The following IL1RAPL1 variants were observed in gnomAD, a reference collection of about 807,000 sequenced individuals.
IL1RAPL1 encodes the protein interleukin 1 receptor accessory protein like 1, also known as interleukin-1 receptor accessory protein-like 1.
A neutral mutation model predicts 48.4 loss-of-function variants in IL1RAPL1; 3 were observed. The observed-to-expected ratio is 0.06, with a 90% confidence interval of 0.03 to 0.16. The LOEUF (loss-of-function observed/expected upper bound fraction) is 0.16, where lower values mean the gene tolerates loss of function less well. Among genes scored for constraint, IL1RAPL1 ranks in the 10% least tolerant of loss-of-function variants. IL1RAPL1 has a pLI of 1.00. For missense variants in IL1RAPL1, 349 were observed against 530.6 expected (o/e 0.66, Z 3.36); for synonymous variants, 185 against 187.7 (o/e 0.99, Z 0.12).
At chrX:29,939,717 C>T (rs995406862) in intron 8 of IL1RAPL1, among the ~76,000 whole-genome samples, 24 of 111,588 alleles carry the variant, frequency 2.2e-4, no homozygotes, top group African/African-American at 7.2e-4. Context: ...ACAGTTCAAT[C>T]GTTTTAAATA....
At chrX:29,728,816 G>A (rs1384326305) in intron 6 of IL1RAPL1, among the ~76,000 whole-genome samples, 1 of 112,354 alleles carries the variant, frequency 8.9e-6, no homozygotes, top group Non-Finnish European at 1.9e-5. Context: ...ATATGTGGCT[G>A]CTGTCAGATA....
At chrX:28,634,270 G>A (rs917706901) in intron 1 of IL1RAPL1, among the ~76,000 whole-genome samples, 1 of 109,621 alleles carries the variant, frequency 9.1e-6, no homozygotes, top group Non-Finnish European at 1.9e-5. Context: ...TTAACATGCC[G>A]GGATTACAGG....
At chrX:28,898,300 CTTTT>C (rs1227127397) in intron 2 of IL1RAPL1, among the ~76,000 whole-genome samples, 1 of 111,702 alleles carries the variant, frequency 9.0e-6, no homozygotes, top group Admixed American at 9.5e-5. Flanking sequence ...TATTTTTTGT[CTTTT>C]TTGTTTTAAG....
chrX:29,395,553 T>G (rs1363150271), intron 3 of IL1RAPL1, among the ~76,000 whole-genome samples: 1 of 111,901 alleles, frequency 8.9e-6, no homozygotes, highest in African/African-American at 3.2e-5. Context: ...AAGAGATGCT[T>G]ATTTAATGAC....
At chrX:29,757,052 G>C (rs1385141834) in intron 6 of IL1RAPL1, among the ~76,000 whole-genome samples, 1 of 111,948 alleles carries the variant, frequency 8.9e-6, no homozygotes, top group Non-Finnish European at 1.9e-5. Context: ...CAAAGGGATC[G>C]TGGTTCCGCC....
At chrX:29,450,623 A>G (rs1236215250) in intron 5 of IL1RAPL1, among the ~76,000 whole-genome samples, 1 of 111,924 alleles carries the variant, frequency 8.9e-6, no homozygotes, top group African/African-American at 3.2e-5. Context: ...TGTGTGCATC[A>G]TTTTAAGCCC....
At chrX:29,941,316 A>T (rs956434947) in intron 8 of IL1RAPL1, among the ~76,000 whole-genome samples, 6 of 112,146 alleles carry the variant, frequency 5.4e-5, no homozygotes, top group Admixed American at 4.7e-4. Flanking sequence ...TATATAAGAG[A>T]GTTATGGTAC....
chrX:29,198,122 A>G lies in IL1RAPL1; in HGVS notation c.83-84816A>G, dbSNP rs747315870. Among the ~76,000 whole-genome samples the G allele has an allele frequency of 1.3e-4, 14 of 111,449 alleles. 1 individual carries two copies. The highest frequency in any genetic ancestry group is 4.2e-4 in the African/African-American group (13 of 30,677). On this transcript the variant is annotated intron_variant, in intron 2 of 10. Coordinates refer to ENST00000378993, the MANE Select transcript of IL1RAPL1 (RefSeq NM_014271.4). ...GGATTATGCAAATTAAAGTAACAGA[A>G]TAGAGATTTATGAACCACTCTCAGG... is the stretch of plus-strand genomic sequence containing the variant.
At chrX:29,335,233 G>C (rs187177909) in intron 3 of IL1RAPL1, among the ~76,000 whole-genome samples, 3,322 of 83,392 alleles carry the variant, frequency 0.04, 140 homozygotes, top group African/African-American at 0.12. Context: ...GCTTTGGCTC[G>C]GCATCAGAGG....
intron 5 of IL1RAPL1, among the ~76,000 whole-genome samples, chrX:29,471,275 C>G (rs1934917960): frequency 9.0e-6 from 1 of 111,197 alleles, no homozygotes; most frequent in Admixed American, 9.6e-5. Context: ...TAGTGAGGCT[C>G]TGTTTAGCTT....
At chrX:28,785,944 A>G (rs1936468485) in intron 1 of IL1RAPL1, among the ~76,000 whole-genome samples, 1 of 111,917 alleles carries the variant, frequency 8.9e-6, no homozygotes, top group African/African-American at 3.2e-5. Context: ...ATTGAACTGC[A>G]TATAATAGCA....
chrX:28,979,380 G>A (rs1364173781), intron 2 of IL1RAPL1, among the ~76,000 whole-genome samples: 1 of 111,885 alleles, frequency 8.9e-6, no homozygotes, highest in Non-Finnish European at 1.9e-5. Flanking sequence ...TCAGGTACTA[G>A]CGTTTTCCTT....
intron 2 of IL1RAPL1, among the ~76,000 whole-genome samples, chrX:28,961,258 T>C (rs1257774804): frequency 1.8e-5 from 2 of 111,010 alleles, no homozygotes; most frequent in East Asian, 5.7e-4. Context: ...AGTTAAAGAA[T>C]GGTTGAAAAT....
chrX:29,079,817 G>C (rs1334288276), intron 2 of IL1RAPL1, among the ~76,000 whole-genome samples: 1 of 111,329 alleles, frequency 9.0e-6, no homozygotes, highest in Admixed American at 9.5e-5. Context: ...TAAAATGAGA[G>C]GGAAGAGTCC....
At chrX:29,311,468 A>T (rs1387549350) in intron 3 of IL1RAPL1, among the ~76,000 whole-genome samples, 2 of 112,114 alleles carry the variant, frequency 1.8e-5, no homozygotes, top group Admixed American at 9.5e-5. Flanking sequence ...GCCTGTCTAG[A>T]TCAATGCAGT....
At chrX:28,644,028 T>C (rs1053126328) in intron 1 of IL1RAPL1, among the ~76,000 whole-genome samples, 1 of 111,919 alleles carries the variant, frequency 8.9e-6, no homozygotes, top group Admixed American at 9.5e-5. Flanking sequence ...CTTATTGATA[T>C]TTACTCAACA....
intron 2 of IL1RAPL1, among the ~76,000 whole-genome samples, chrX:28,965,662 A>G (rs900707146): frequency 9.0e-6 from 1 of 111,395 alleles, no homozygotes; most frequent in African/African-American, 3.3e-5. Flanking sequence ...GTAGCTTTCA[A>G]ATGGGCCCAG....
intron 5 of IL1RAPL1, among the ~76,000 whole-genome samples, chrX:29,405,390 A>G (rs372034231): frequency 0.016 from 1,377 of 87,700 alleles, 87 homozygotes; most frequent in African/African-American, 0.071. Context: ...TTTTTGAGAC[A>G]GAGTCTCGCT....
At chrX:29,070,040 A>T (rs1927533041) in intron 2 of IL1RAPL1, among the ~76,000 whole-genome samples, 1 of 112,061 alleles carries the variant, frequency 8.9e-6, no homozygotes, top group Admixed American at 9.5e-5. Flanking sequence ...ATTGCACGGG[A>T]TGTGAAACAT....
Sources: allele counts gnomAD v4.1 joint callset (sites outside exome capture counted in the v4.1 genomes callset), GRCh38; gene constraint gnomAD v4.1.1; transcripts MANE v1.5; gene names NCBI Gene and HGNC (gene_info 2026-07-23, HGNC 2026-07-21).